The following ELF2 variants were observed in gnomAD, a reference collection of about 807,000 sequenced individuals.
The protein encoded by ELF2 is E74 like ETS transcription factor 2, also known as ETS-related transcription factor Elf-2.
ELF2 carries 11 observed loss-of-function variants against 54.8 expected under a neutral mutation model. The ratio of observed to expected loss-of-function variants is 0.20; its 90% CI spans 0.13 to 0.33. The LOEUF (loss-of-function observed/expected upper bound fraction) is 0.33. Ranked by LOEUF, ELF2 falls within the 10% of genes least tolerant of loss-of-function variation. The pLI, the probability that ELF2 is intolerant of heterozygous loss-of-function variation, is 1.00. For missense variants in ELF2, 513 were observed against 703.0 expected (o/e 0.73, Z 3.06); for synonymous variants, 203 against 245.1 (o/e 0.83, Z 1.61).
chr4:139,169,165 T>G (rs569073449), intron 1 of ELF2, among the ~76,000 whole-genome samples: 1 of 151,514 alleles, frequency 6.6e-6, no homozygotes, highest in African/African-American at 2.4e-5. Context: ...CTGGCCAAAA[T>G]GGTGAAACCC....
At chr4:139,135,237 ATGTGTGTG>A (rs61122327) in intron 3 of ELF2, among the ~76,000 whole-genome samples, 11,351 of 112,432 alleles carry the variant, frequency 0.1, 555 homozygotes, top group African/African-American at 0.16. Context: ...TACTATATAT[ATGTGTGTG>A]TGTGTGTGTG....
At chr4:139,165,102 C>G (rs1741588454) in intron 1 of ELF2, among the ~76,000 whole-genome samples, 2 of 148,882 alleles carry the variant, frequency 1.3e-5, no homozygotes, top group Admixed American at 6.7e-5. Flanking sequence ...AAGACTGCAT[C>G]TTATGAAGAT....
chr4:139,091,722 C>T (rs1732594872), intron 4 of ELF2, among the ~76,000 whole-genome samples: 1 of 152,036 alleles, frequency 6.6e-6, no homozygotes, highest in Non-Finnish European at 1.5e-5. Context: ...ACAACCGATC[C>T]TCCCATCTTG....
At chr4:139,176,507 T>A (rs1742940949) in intron 1 of ELF2, among the ~76,000 whole-genome samples, 1 of 140,932 alleles carries the variant, frequency 7.1e-6, no homozygotes, top group African/African-American at 2.6e-5. Context: ...ACACAAACCC[T>A]CCCAGGACGC....
intron 4 of ELF2, among the ~76,000 whole-genome samples, chr4:139,095,809 C>G (rs924081439): frequency 1.3e-5 from 2 of 152,116 alleles, no homozygotes; most frequent in African/African-American, 4.8e-5. Context: ...CTTTGGGAGG[C>G]CAAGGCGGGT....
chr4:139,073,780 A>C (rs147917699), intron 4 of ELF2: 36 of 273,450 alleles, frequency 1.3e-4, no homozygotes, highest in African/African-American at 7.2e-4. Context: ...TTATAAAATG[A>C]ATACTGATAT....
At chr4:139,107,506 T>G (rs983303991) in intron 4 of ELF2, among the ~76,000 whole-genome samples, 17 of 152,304 alleles carry the variant, frequency 1.1e-4, no homozygotes, top group African/African-American at 4.1e-4. Flanking sequence ...TATGTACGAT[T>G]ATAAACCAAT....
chr4:139,164,623 T>A (rs1741540925), intron 1 of ELF2, among the ~76,000 whole-genome samples: 1 of 152,202 alleles, frequency 6.6e-6, no homozygotes, highest in African/African-American at 2.4e-5. Flanking sequence ...GGTGACAGAA[T>A]GAGACCCTGG....
intron 4 of ELF2, chr4:139,115,229 G>T (rs1218845506): frequency 2.4e-5 from 38 of 1,610,878 alleles, no homozygotes; most frequent in Non-Finnish European, 3.1e-5. Flanking sequence ...CGCCTCACTG[G>T]GCCCTCATCG....
At chr4:139,114,561 T>TCTCACA (rs70940492) in intron 4 of ELF2, among the ~76,000 whole-genome samples, 1 of 108,636 alleles carries the variant, frequency 9.2e-6, no homozygotes, top group African/African-American at 3.6e-5. Flanking sequence ...GACTTCAGTC[T>TCTCACA]CACACACACA....
chr4:139,131,493 T>G (rs1737484224), intron 3 of ELF2, among the ~76,000 whole-genome samples: 1 of 152,248 alleles, frequency 6.6e-6, no homozygotes. Flanking sequence ...GCAGTGGTAT[T>G]GTAATCCTTT....
At chr4:139,084,805 G>C (rs1308774972) in intron 4 of ELF2, among the ~76,000 whole-genome samples, 1 of 152,188 alleles carries the variant, frequency 6.6e-6, no homozygotes, top group Non-Finnish European at 1.5e-5. Context: ...CATGTAACCA[G>C]TTCACTTGAA....
At chr4:139,175,533 T>C (rs1742816112) in intron 1 of ELF2, among the ~76,000 whole-genome samples, 1 of 152,186 alleles carries the variant, frequency 6.6e-6, no homozygotes, top group African/African-American at 2.4e-5. Flanking sequence ...AATTTAATGG[T>C]TTCCAGTCCT....
rs1229914843 is a variant in ELF2 at position 139,147,799 on chromosome 4, T to TCC, written c.-251-8303_-251-8302insGG. Among the ~76,000 whole-genome samples, 202 of 148,994 alleles carry TCC rather than the reference T, an allele frequency of 1.4e-3. 1 individual carries two copies. The highest frequency in any genetic ancestry group is 4.9e-3 in the African/African-American group (197 of 40,258). On this transcript the variant is annotated intron_variant, in intron 1 of 9. Coordinates refer to ENST00000686138, the MANE Select transcript of ELF2 (RefSeq NM_001331036.3). ...AGAGATTTTTTTTTTTTTTTTTTTT[T>TCC]TCCTGAGATGGAGTTTCACTCTTGT...
chr4:139,092,597 G>A (rs1316024862), intron 4 of ELF2, among the ~76,000 whole-genome samples: 1 of 151,922 alleles, frequency 6.6e-6, no homozygotes, highest in Non-Finnish European at 1.5e-5. Context: ...ATCCTGGATC[G>A]AGACCATCCT....
chr4:139,092,915 T>A (rs1225119442), intron 4 of ELF2, among the ~76,000 whole-genome samples: 1 of 151,746 alleles, frequency 6.6e-6, no homozygotes, highest in South Asian at 2.1e-4. Context: ...TATATAAAAT[T>A]CCCAGTAGGC....
chr4:139,076,435 A>G (rs1730326511), intron 4 of ELF2, among the ~76,000 whole-genome samples: 1 of 151,602 alleles, frequency 6.6e-6, no homozygotes, highest in Non-Finnish European at 1.5e-5. Flanking sequence ...ACTCACATAC[A>G]CTAAGAAAAA....
intron 3 of ELF2, among the ~76,000 whole-genome samples, chr4:139,131,952 A>T (rs1288573893): frequency 1.3e-5 from 2 of 152,190 alleles, no homozygotes; most frequent in Admixed American, 6.5e-5. Flanking sequence ...GGGTGGAAGG[A>T]GGAGGAAAAT....
chr4:139,169,346 TAAA>T (rs61462829), intron 1 of ELF2, among the ~76,000 whole-genome samples: 4 of 77,496 alleles, frequency 5.2e-5, no homozygotes, highest in Admixed American at 5.1e-4. Flanking sequence ...GGACTACATT[TAAA>T]AAAAAAAAAA....
Sources: gnomAD v4.1 joint callset for allele counts (sites outside exome capture counted in the v4.1 genomes callset) on GRCh38, gnomAD v4.1.1 for gene constraint, MANE v1.5 for transcripts, NCBI Gene and HGNC (gene_info 2026-07-23, HGNC 2026-07-21) for gene names.